Variants in CPAMD8 observed in about 807,000 individuals in gnomAD.
The protein encoded by CPAMD8 is C3 and PZP-like alpha-2-macroglobulin domain-containing protein 8.
In CPAMD8, 146 loss-of-function variants were observed where a neutral mutation model predicts 224.7. The observed-to-expected ratio is 0.65, with a 90% CI of 0.57 to 0.75. CPAMD8 has a LOEUF of 0.75. CPAMD8 is among the 30% of genes least tolerant of loss of function. The pLI, the probability that CPAMD8 is intolerant of heterozygous loss-of-function variation, is 0.00. For missense variants in CPAMD8, 2,301 were observed against 2,537.5 expected (o/e 0.91, Z 2.00); for synonymous variants, 966 against 1,044.6 (o/e 0.92, Z 1.45).
chr19:16,914,391 C>G, intron 29 of CPAMD8, 33 bp downstream of exon 29: 1 of 1,595,706 alleles, frequency 6.3e-7, no homozygotes, highest in Non-Finnish European at 8.6e-7. Context: ...CAGTGCCCAG[C>G]CCCGAGTCTC....
chr19:16,938,855 G>T (rs1407651694), intron 22 of CPAMD8, among the ~76,000 whole-genome samples: 3 of 152,188 alleles, frequency 2.0e-5, no homozygotes, highest in Non-Finnish European at 2.9e-5. Context: ...AGGGGCTCCT[G>T]CATCTGCCAA....
Position 16,927,993 on chromosome 19 carries a change from T to G in CPAMD8, c.3370+16A>C. The G allele has an allele frequency of 6.3e-7, 1 of 1,587,404 alleles. No individual in the cohort carries two copies. On this transcript the variant is annotated intron_variant, in intron 25 of 41. Transcript: ENST00000443236. ...GCCCCCTGACCTCTCCAAGCCAGGC[T>G]GTGGGACAGACGCACCGATGATGGA...
rs564242008 is a variant in CPAMD8 at position 16,961,209 on chromosome 19, G to T, written c.2214-3294C>A. On this transcript the variant is annotated intron_variant, in intron 18 of 41. Coordinates refer to ENST00000443236, the MANE Select transcript of CPAMD8 (RefSeq NM_015692.5). Reference sequence around the variant, plus strand: ...GAAGGATGAGCCGCAGTAGGGCGGGGTGTCGCCTTACCCGGGAAGCACAAG... The same window carrying T: ...GAAGGATGAGCCGCAGTAGGGCGGGTTGTCGCCTTACCCGGGAAGCACAAG... 4.6e-5 allele frequency among the ~76,000 whole-genome samples: 7 copies of T among 152,344 alleles called. No individual in the cohort carries two copies. The East Asian group carries it at 1.4e-3, about 29-fold the overall frequency.
intron 8 of CPAMD8, among the ~76,000 whole-genome samples, chr19:17,002,895 C>CTT (rs1261338795): frequency 9.5e-5 from 12 of 126,764 alleles, no homozygotes; most frequent in African/African-American, 3.9e-4. Context: ...TCTTTCTTTT[C>CTT]TTTTCTTTTC....
chr19:16,929,830 G>C (rs77110016), intron 23 of CPAMD8, among the ~76,000 whole-genome samples: 1,714 of 152,308 alleles, frequency 0.011, 27 homozygotes, highest in African/African-American at 0.039. Context: ...ACAAAAGCTA[G>C]ACCATGTTCA....
At chr19:17,012,211 G>A (rs2056675182) in intron 3 of CPAMD8, among the ~76,000 whole-genome samples, 1 of 152,070 alleles carries the variant, frequency 6.6e-6, no homozygotes, top group African/African-American at 2.4e-5. Context: ...TAGAAACGGG[G>A]TTTCACCATG....
intron 19 of CPAMD8, among the ~76,000 whole-genome samples, chr19:16,956,162 C>A (rs1209661497): frequency 1.3e-5 from 2 of 152,102 alleles, no homozygotes; most frequent in Non-Finnish European, 2.9e-5. Context: ...CCTAACCCCA[C>A]CCCCACAGCC....
rs188601083 is a variant in CPAMD8, at chr19:16,993,657, C to T, written c.1096-71G>A. 4.3e-4 allele frequency: 599 copies of T among 1,388,486 alleles called. 1 individual carries two copies. The East Asian group carries it at 0.011, about 25-fold the overall frequency. The allele number at this position is 1,388,486 out of a possible 1,614,324, so 86.0% of individuals were successfully genotyped here. A position where few individuals can be genotyped will look rare whatever the true frequency, so the allele number is the denominator to read the frequency against. ...TCCCCAAACTGATCTGCAGAATCAA[C>T]GCAATCCCCACTGGAATCCCAGCAG... On this transcript the variant is annotated intron_variant, in intron 11 of 41. Transcript: ENST00000443236.
At chr19:17,014,085 C>T (rs961578112) in intron 3 of CPAMD8, among the ~76,000 whole-genome samples, 1 of 145,768 alleles carries the variant, frequency 6.9e-6, no homozygotes, top group South Asian at 2.4e-4. Context: ...CAATATCTTG[C>T]TCTGTCGCCA....
At position 16,990,863 on chromosome 19, in the gene CPAMD8, C is replaced by CAAAAAAAAAAAAAAAAAAAAAAAAAA. The variant is rs3067791; in HGVS notation, c.1267-1118_1267-1093dup. Among the ~76,000 whole-genome samples the CAAAAAAAAAAAAAAAAAAAAAAAAAA allele has an allele frequency of 9.6e-5, 7 of 73,176 alleles. 1 individual carries two copies. Among genetic ancestry groups the CAAAAAAAAAAAAAAAAAAAAAAAAAA allele is most frequent in the South Asian group, 6.1e-4 (1 of 1,648 alleles). 48.0% of individuals were successfully genotyped at this position (73,176 alleles called of 152,430 possible). ...GGGCAATAAGAGCAAAACTCTGTCT[C>CAAAAAAAAAAAAAAAAAAAAAAAAAA]AAAAAAAAAAAAAAAAAAAAAAAAA... On this transcript the variant is annotated intron_variant, in intron 12 of 41. Coordinates refer to ENST00000443236, the MANE Select transcript of CPAMD8 (RefSeq NM_015692.5).
intron 3 of CPAMD8, among the ~76,000 whole-genome samples, chr19:17,013,771 A>G (rs62126008): frequency 0.18 from 26,930 of 150,836 alleles, 3,054 homozygotes; most frequent in South Asian, 0.37. Flanking sequence ...ACGGAATTAT[A>G]TGTTTTAGAA....
At chr19:17,004,772 T>C (rs12973786) in intron 7 of CPAMD8, among the ~76,000 whole-genome samples, 27,544 of 151,796 alleles carry the variant, frequency 0.18, 2,862 homozygotes, top group African/African-American at 0.28. Flanking sequence ...GCCACGTGGC[T>C]CTCTGGGGTG....
At chr19:16,960,878 G>A (rs2054629012) in intron 18 of CPAMD8, among the ~76,000 whole-genome samples, 3 of 151,502 alleles carry the variant, frequency 2.0e-5, no homozygotes, top group Admixed American at 1.3e-4. Flanking sequence ...GGGCAACAGA[G>A]TGAGACTCCT....
At position 16,898,176 on chromosome 19, in the gene CPAMD8, G is replaced by A. The variant is rs1226649420; in HGVS notation, c.4849-182C>T. ...TTTTTTTTTCCTGAGACAGAGTCTC[G>A]CGCTGTTGCCCAGGCTGGAGTGCAG... On this transcript the variant is annotated intron_variant, in intron 37 of 41. Coordinates refer to ENST00000443236, the MANE Select transcript of CPAMD8 (RefSeq NM_015692.5). This position sits in a 1 kb window ranked among gnomAD's most constrained non-coding sequence, Gnocchi z 4.2. The A allele has an allele frequency of 1.8e-6, 1 of 560,688 alleles. No homozygotes were observed. Among genetic ancestry groups the A allele is most frequent in the Non-Finnish European group, 3.1e-6 (1 of 323,382 alleles). The allele number at this position is 560,688 out of a possible 1,614,324, so 34.7% of individuals were successfully genotyped here.
At chr19:16,946,020 C>T (rs745973889) in intron 21 of CPAMD8, among the ~76,000 whole-genome samples, 6 of 151,406 alleles carry the variant, frequency 4.0e-5, no homozygotes, top group African/African-American at 4.9e-5. Context: ...TGTATCTGTA[C>T]GTGTGTTTGT....
chr19:16,952,183 C>A lies in CPAMD8; in HGVS notation c.2294G>T (p.Gly765Val). Reference protein sequence around the residue: ...CLNISDPSGEGTLSVKVPDSI... With the variant: ...CLNISDPSGEVTLSVKVPDSI... The stretch of plus-strand genomic sequence containing the variant: ...GTCCGGGACCTTCACACTGAGTGTC[C>A]CCTCACCAGATGGGTCACTGCGGAG... The change falls in exon 20 of 42, where the codon GGG becomes GTG. Residue 765 changes from glycine (G) to valine (V), a missense_variant. By Grantham distance (109) the Gly-to-Val change is moderately radical. Coordinates refer to ENST00000443236, the MANE Select transcript of CPAMD8 (RefSeq NM_015692.5). The A allele has an allele frequency of 1.3e-6, 2 of 1,543,118 alleles. No homozygotes were observed. The highest frequency in any genetic ancestry group is 1.2e-5 in the South Asian group (1 of 83,878).
At position 16,904,290 on chromosome 19, in the gene CPAMD8, G is replaced by A; in HGVS notation, c.4187C>T (p.Ala1396Val). ...GGACAGCCACTTCACCACAGGCAGG[G>A]CGGCAGCCACGTCACCCAGCAGAGT... ...TYTLLGDVAA[A>V]LPVVKWLSQQ... The change falls in exon 32 of 42, where the codon GCC becomes GTC. Residue 1396 changes from alanine (A) to valine (V), a missense_variant. Ala to Val is a moderately conservative substitution (Grantham distance 64, BLOSUM62 0). Transcript: ENST00000443236. The A allele has an allele frequency of 6.2e-7, 1 of 1,613,656 alleles. No individual in the cohort carries two copies. The highest frequency in any genetic ancestry group is 8.5e-7 in the Non-Finnish European group (1 of 1,180,012).
chr19:16,997,589 G>A (rs1206187645), intron 10 of CPAMD8, among the ~76,000 whole-genome samples: 2 of 152,102 alleles, frequency 1.3e-5, no homozygotes, highest in Admixed American at 1.3e-4. Flanking sequence ...GGTGGCTCAC[G>A]CCTGTAATCC....
chr19:16,915,193 CT>C (rs927542924), intron 27 of CPAMD8, among the ~76,000 whole-genome samples: 1 of 151,972 alleles, frequency 6.6e-6, no homozygotes, highest in Non-Finnish European at 1.5e-5. Flanking sequence ...CAAAAGGCCC[CT>C]GATCTCATTC....
Sources: gnomAD v4.1 joint callset for allele counts (sites outside exome capture counted in the v4.1 genomes callset) on GRCh38, gnomAD v4.1.1 for gene constraint, Gnocchi (gnomAD v3.1) non-coding constraint, MANE v1.5 for transcripts, NCBI Gene and HGNC (gene_info 2026-07-23, HGNC 2026-07-21) for gene names.